Variants in CTTNBP2NL observed in about 807,000 individuals in gnomAD.
CTTNBP2NL encodes the protein CTTNBP2 N-terminal-like protein.
CTTNBP2NL carries 16 observed loss-of-function variants against 32.5 expected under a neutral mutation model. That is an observed-to-expected ratio of 0.49 (90% CI 0.33 to 0.75). The LOEUF is 0.75. Among genes scored for constraint, CTTNBP2NL ranks in the 30% least tolerant of loss-of-function variants. CTTNBP2NL has a pLI of 0.02. For synonymous variants in CTTNBP2NL, 298 were observed against 289.4 expected (o/e 1.03, Z -0.30); for missense variants, 645 against 756.0 (o/e 0.85, Z 1.72).
intron 3 of CTTNBP2NL, among the ~76,000 whole-genome samples, chr1:112,428,481 A>G (rs1360074243): frequency 6.6e-6 from 1 of 152,162 alleles, no homozygotes; most frequent in East Asian, 1.9e-4. Context: ...AAATAACTCA[A>G]CTGAATCTGC....
intron 3 of CTTNBP2NL, among the ~76,000 whole-genome samples, chr1:112,430,336 C>T (rs1649532459): frequency 6.6e-6 from 1 of 151,876 alleles, no homozygotes; most frequent in Admixed American, 6.6e-5. Flanking sequence ...AGTGATCTTC[C>T]CACCTCAGCC....
chr1:112,437,799 A>C (rs1296039715), intron 3 of CTTNBP2NL, among the ~76,000 whole-genome samples: 1 of 152,182 alleles, frequency 6.6e-6, no homozygotes, highest in African/African-American at 2.4e-5. Context: ...CTGGGATTGC[A>C]GGTGTGAGCC....
chr1:112,403,409 A>G (rs1433323291), intron 1 of CTTNBP2NL, among the ~76,000 whole-genome samples: 1 of 127,100 alleles, frequency 7.9e-6, no homozygotes, highest in Non-Finnish European at 1.6e-5. Context: ...TCAGTATCTG[A>G]ACCAGACACT....
At chr1:112,452,915 G>A (rs1650265256) in intron 4 of CTTNBP2NL, among the ~76,000 whole-genome samples, 2 of 151,164 alleles carry the variant, frequency 1.3e-5, no homozygotes, top group South Asian at 4.2e-4. Context: ...TTGAGTCCAG[G>A]TGTTTGAGAC....
intron 3 of CTTNBP2NL, among the ~76,000 whole-genome samples, chr1:112,428,683 T>G (rs1649474503): frequency 6.6e-6 from 1 of 152,184 alleles, no homozygotes; most frequent in Non-Finnish European, 1.5e-5. Flanking sequence ...ATACGTATAT[T>G]AACTAAAACC....
At chr1:112,432,066 A>ATTTTTTTTTTTTTTTTTTTT (rs11440212) in intron 3 of CTTNBP2NL, among the ~76,000 whole-genome samples, 2 of 91,050 alleles carry the variant, frequency 2.2e-5, no homozygotes, top group Non-Finnish European at 4.0e-5. Flanking sequence ...ATATATTTTG[A>ATTTTTTTTTTTTTTTTTTTT]TTTTTTTTTT....
At chr1:112,450,767 C>CTTT (rs34309573) in intron 4 of CTTNBP2NL, among the ~76,000 whole-genome samples, 1,623 of 133,874 alleles carry the variant, frequency 0.012, 56 homozygotes, top group African/African-American at 0.043. Flanking sequence ...CCTATCTATT[C>CTTT]TTTTTTTTTT....
upstream of CTTNBP2NL, among the ~76,000 whole-genome samples, chr1:112,393,242 A>G (rs1161621601): frequency 6.6e-6 from 1 of 152,204 alleles, no homozygotes; most frequent in African/African-American, 2.4e-5. Context: ...AGAAACTACT[A>G]TAGTTGATGA....
intron 3 of CTTNBP2NL, among the ~76,000 whole-genome samples, chr1:112,417,839 GT>G (rs1272136544): frequency 1.3e-5 from 2 of 151,966 alleles, no homozygotes; most frequent in African/African-American, 4.8e-5. Context: ...GTTTTGGGGG[GT>G]TTTTTGTTGT....
At chr1:112,415,894 T>A in intron 2 of CTTNBP2NL, 1 of 351,566 alleles carries the variant, frequency 2.8e-6, no homozygotes, top group Non-Finnish European at 5.2e-6. Flanking sequence ...AGGATATTTG[T>A]TTGTAAACGT....
chr1:112,429,372 C>A (rs1572048), intron 3 of CTTNBP2NL, among the ~76,000 whole-genome samples: 84,259 of 152,050 alleles, frequency 0.55, 24,413 homozygotes, highest in South Asian at 0.7. Flanking sequence ...CAGAGCCAGG[C>A]ATGGTGGCAC....
At position 112,459,311 on chromosome 1, in the gene CTTNBP2NL, A is replaced by G. The variant is rs575061758; in HGVS notation, c.*1899A>G. The G allele has an allele frequency of 6.6e-6, 1 of 152,274 alleles. No individual in the cohort carries two copies. Among genetic ancestry groups the G allele is most frequent in the East Asian group, 1.9e-4 (1 of 5,178 alleles). 9.4% of individuals were successfully genotyped at this position (152,274 alleles called of 1,614,324 possible). A position where few individuals can be genotyped will look rare whatever the true frequency, so the allele number is the denominator to read the frequency against. On this transcript the variant is annotated 3_prime_UTR_variant, in exon 6 of 6. Coordinates refer to ENST00000271277, the MANE Select transcript of CTTNBP2NL (RefSeq NM_018704.3). ...TGGCTATCCCCCTCTGCCAAATAAG[A>G]CTATCCACAACCCAGCTCAGACACA...
At chr1:112,394,517 G>T (rs1363310722), upstream of CTTNBP2NL, among the ~76,000 whole-genome samples, 1 of 152,192 alleles carries the variant, frequency 6.6e-6, no homozygotes, top group Non-Finnish European at 1.5e-5. Context: ...TTAGCTTTCA[G>T]ATTGTCAGTT....
At chr1:112,450,814 T>C (rs968155380) in intron 4 of CTTNBP2NL, among the ~76,000 whole-genome samples, 4 of 148,912 alleles carry the variant, frequency 2.7e-5, no homozygotes, top group Admixed American at 6.8e-5. Context: ...TCACCCAGGC[T>C]GGAGTGCAGT....
chr1:112,416,716 C>A (rs1199333986), intron 3 of CTTNBP2NL, among the ~76,000 whole-genome samples: 1 of 152,050 alleles, frequency 6.6e-6, no homozygotes, highest in Non-Finnish European at 1.5e-5. Context: ...TGGTCTTGAT[C>A]TCTTGACCTG....
At chr1:112,430,212 TTTTCTTTTCTTGTCTTTTC>T (rs1649526410) in intron 3 of CTTNBP2NL, among the ~76,000 whole-genome samples, 1 of 37,426 alleles carries the variant, frequency 2.7e-5, no homozygotes, top group African/African-American at 5.0e-5. Flanking sequence ...TTTTCTTTTC[TTTTCTTTTCTTGTCTTTTC>T]TCTTTCATTT....
intron 3 of CTTNBP2NL, among the ~76,000 whole-genome samples, chr1:112,428,236 A>T (rs1342295408): frequency 1.3e-5 from 2 of 152,138 alleles, no homozygotes; most frequent in African/African-American, 4.8e-5. Flanking sequence ...TCTGCTTTAT[A>T]TCTTAGTTAC....
intron 3 of CTTNBP2NL, among the ~76,000 whole-genome samples, chr1:112,439,313 C>G (rs1458197211): frequency 1.3e-5 from 2 of 152,146 alleles, no homozygotes; most frequent in Admixed American, 6.5e-5. Context: ...TTGATAACTT[C>G]TAAATATGAA....
At chr1:112,448,165 A>T (rs1171184267) in intron 3 of CTTNBP2NL, among the ~76,000 whole-genome samples, 1 of 152,208 alleles carries the variant, frequency 6.6e-6, no homozygotes, top group African/African-American at 2.4e-5. Flanking sequence ...CCCAAGGCTC[A>T]TCAAGCCTTG....
Sources: gnomAD v4.1 joint callset for allele counts (sites outside exome capture counted in the v4.1 genomes callset) on GRCh38, gnomAD v4.1.1 for gene constraint, MANE v1.5 for transcripts, NCBI Gene and HGNC (gene_info 2026-07-23, HGNC 2026-07-21) for gene names.